Variants in NAV2 observed in about 807,000 individuals in gnomAD.
The protein encoded by NAV2 is helicase, APC down-regulated 1.
Under a neutral mutation model 223.2 loss-of-function variants are expected in NAV2, and 54 were observed. That is an observed-to-expected ratio of 0.24 (90% CI 0.19 to 0.30). NAV2 has a LOEUF of 0.30. Among genes scored for constraint, NAV2 ranks in the 10% least tolerant of loss-of-function variants. The pLI is 1.00. For missense variants in NAV2, 2,806 were observed against 3,147.5 expected (o/e 0.89, Z 2.60); for synonymous variants, 1,279 against 1,239.3 (o/e 1.03, Z -0.67).
chr11:20,050,029 T>C (rs1012898183), intron 16 of NAV2, 128 bp downstream of exon 16: 2 of 784,772 alleles, frequency 2.5e-6, no homozygotes, highest in Middle Eastern at 3.3e-4. Flanking sequence ...TCTAGTGTAC[T>C]CTGTGACACA....
Position 19,491,346 on chromosome 11 carries a change from G to C in NAV2, c.75+140319G>C, listed in dbSNP as rs114617059. On this transcript the variant is annotated intron_variant, in intron 1 of 37. Transcript: ENST00000360655. ...AATAGAATGCTGTTTCATATTCACG[G>C]AAAATCAGTTGTTTAGTGTACCCAC... is the stretch of plus-strand genomic sequence containing the variant. Among the ~76,000 whole-genome samples, 1,058 of 152,294 alleles carry C rather than the reference G, an allele frequency of 6.9e-3. 17 individuals carry two copies. Among genetic ancestry groups the C allele is most frequent in the African/African-American group, 0.024 (996 of 41,556 alleles).
At chr11:19,509,477 C>T (rs2129538) in intron 1 of NAV2, among the ~76,000 whole-genome samples, 49,953 of 152,106 alleles carry the variant, frequency 0.33, 8,729 homozygotes, top group South Asian at 0.4. Flanking sequence ...GCTTTTACTG[C>T]ATTCCATAGA....
At chr11:19,835,003 G>A (rs1182521359) in intron 2 of NAV2, among the ~76,000 whole-genome samples, 1 of 152,230 alleles carries the variant, frequency 6.6e-6, no homozygotes, top group Non-Finnish European at 1.5e-5. Flanking sequence ...CAATATCTGT[G>A]TCAGTATGTT....
At chr11:19,927,264 G>A (rs945180721) in intron 6 of NAV2, among the ~76,000 whole-genome samples, 1 of 152,160 alleles carries the variant, frequency 6.6e-6, no homozygotes, top group African/African-American at 2.4e-5. Flanking sequence ...CAACTGCAAG[G>A]CACAGCCCAC....
intron 27 of NAV2, among the ~76,000 whole-genome samples, chr11:20,091,277 A>G (rs11025382): frequency 0.43 from 65,068 of 152,006 alleles, 15,000 homozygotes; most frequent in South Asian, 0.7. Flanking sequence ...AGTCTCCTTC[A>G]GCTGGCCTTC....
In NAV2 at chr11:20,119,495, T is replaced by G. The variant is rs1162971591; in HGVS notation, c.*1237T>G. ...TTCCGGTGGGGTGATGCGGTCACCCTGCAAAAGACTTGCACTTTCCTCAGA... is the reference window on the plus strand; with the variant it reads ...TTCCGGTGGGGTGATGCGGTCACCCGGCAAAAGACTTGCACTTTCCTCAGA... On this transcript the variant is annotated 3_prime_UTR_variant, in exon 38 of 38. Transcript: ENST00000349880. 2 of 152,660 alleles carry G rather than the reference T, an allele frequency of 1.3e-5. No homozygotes were observed. The allele number at this position is 152,660 out of a possible 1,614,324, so 9.5% of individuals were successfully genotyped here.
At chr11:19,415,651 T>G (rs1165069012) in intron 1 of NAV2, among the ~76,000 whole-genome samples, 3 of 152,076 alleles carry the variant, frequency 2.0e-5, no homozygotes, top group Non-Finnish European at 4.4e-5. Flanking sequence ...AAAAAGAAAA[T>G]TTCAGGCCAA....
intron 37 of NAV2, 142 bp from the exon 38 acceptor site, chr11:20,117,991 A>G: frequency 1.1e-6 from 1 of 893,784 alleles, no homozygotes; most frequent in Admixed American, 2.5e-5. Context: ...AGCCTGGCCC[A>G]AAGTCCATGT....
At chr11:19,548,982 T>C (rs73420175) in intron 1 of NAV2, among the ~76,000 whole-genome samples, 5,451 of 152,204 alleles carry the variant, frequency 0.036, 291 homozygotes, top group South Asian at 0.15. Context: ...CTTCTTTTTG[T>C]CTGACCTGGG....
intron 1 of NAV2, among the ~76,000 whole-genome samples, chr11:19,403,245 C>T (rs1401187922): frequency 1.3e-5 from 2 of 152,172 alleles, no homozygotes; most frequent in Non-Finnish European, 2.9e-5. Flanking sequence ...GTGCCAGGCC[C>T]TTGCTGGGTG....
intron 1 of NAV2, among the ~76,000 whole-genome samples, chr11:19,551,803 T>C (rs2134658003): frequency 6.6e-6 from 1 of 152,294 alleles, no homozygotes; most frequent in East Asian, 1.9e-4. Context: ...ACTTCCAGAA[T>C]GGTTATCCTG....
chr11:19,426,326 T>G (rs2702639), intron 1 of NAV2, among the ~76,000 whole-genome samples: 4 of 151,912 alleles, frequency 2.6e-5, no homozygotes, highest in African/African-American at 9.7e-5. Flanking sequence ...TCCAGAGGAA[T>G]CCAGCTTCCC....
At chr11:19,346,432 G>C (rs567640718), upstream of NAV2, among the ~76,000 whole-genome samples, 1 of 152,184 alleles carries the variant, frequency 6.6e-6, no homozygotes, top group African/African-American at 2.4e-5. Flanking sequence ...GGTTAGCTGC[G>C]GGCGGCGGGC....
At chr11:19,755,598 T>A (rs555323204) in intron 1 of NAV2, among the ~76,000 whole-genome samples, 2 of 152,342 alleles carry the variant, frequency 1.3e-5, no homozygotes, top group South Asian at 4.1e-4. Context: ...TCTCTTAGCT[T>A]CTAAGGTCGC....
intron 1 of NAV2, among the ~76,000 whole-genome samples, chr11:19,490,501 C>A (rs946806603): frequency 3.3e-5 from 5 of 152,182 alleles, no homozygotes; most frequent in African/African-American, 1.2e-4. Flanking sequence ...TCTTAAGAAA[C>A]CATTTTCTTT....
intron 6 of NAV2, among the ~76,000 whole-genome samples, chr11:19,911,668 A>G (rs2043326451): frequency 6.6e-6 from 1 of 151,966 alleles, no homozygotes; most frequent in Non-Finnish European, 1.5e-5. Flanking sequence ...ATCAGTTCCA[A>G]ATTGACCTCA....
chr11:19,526,163 C>G (rs2043837054), intron 1 of NAV2, among the ~76,000 whole-genome samples: 1 of 152,176 alleles, frequency 6.6e-6, no homozygotes, highest in Non-Finnish European at 1.5e-5. Flanking sequence ...ACCCCAGGGC[C>G]ATTACAGCTC....
intron 12 of NAV2, among the ~76,000 whole-genome samples, chr11:20,042,657 A>T (rs762147068): frequency 6.6e-6 from 1 of 152,114 alleles, no homozygotes; most frequent in Non-Finnish European, 1.5e-5. Flanking sequence ...TATTCCATGG[A>T]GGAAGGCATT....
chr11:20,043,880 T>C lies in NAV2; in HGVS notation c.2908-101T>C, dbSNP rs1488774306. ...ACATCTTTAAAGTAATGCTTATTTT[T>C]CCCTTAACTACTCCAGTGTTTTGGC... On this transcript the variant is annotated intron_variant, in intron 12 of 37. Coordinates refer to ENST00000349880, the MANE Select transcript of NAV2 (RefSeq NM_145117.5). The C allele has an allele frequency of 7.8e-6, 8 of 1,021,888 alleles. No homozygotes were observed. The African/African-American group carries it at 1.1e-4, about 14-fold the overall frequency. The allele number at this position is 1,021,888 out of a possible 1,614,324, so 63.3% of individuals were successfully genotyped here. A position where few individuals can be genotyped will look rare whatever the true frequency, so the allele number is the denominator to read the frequency against.
Sources: allele counts gnomAD v4.1 joint callset (sites outside exome capture counted in the v4.1 genomes callset), GRCh38; gene constraint gnomAD v4.1.1; transcripts MANE v1.5; gene names NCBI Gene and HGNC (gene_info 2026-07-23, HGNC 2026-07-21).